COL4A4: variants seen among roughly 807,000 people sequenced by gnomAD.
COL4A4 encodes the protein collagen type IV alpha 4 chain.
COL4A4 carries 105 observed loss-of-function variants against 192.9 expected under a neutral mutation model. The observed-to-expected ratio is 0.54, with a 90% CI of 0.46 to 0.64. The LOEUF is 0.64. Among genes scored for constraint, COL4A4 ranks in the 30% least tolerant of loss-of-function variants. The pLI, the probability that COL4A4 is intolerant of heterozygous loss-of-function variation, is 0.00. For synonymous variants in COL4A4, 762 were observed against 769.9 expected, an observed-to-expected ratio of 0.99 and a Z score of 0.17; for missense variants, 1,967 against 2,169.3, an observed-to-expected ratio of 0.91 and a Z score of 1.85.
At chr2:227,079,192 C>CT (rs66912741) in intron 24 of COL4A4, among the ~76,000 whole-genome samples, 38,173 of 152,122 alleles carry the variant, frequency 0.25, 5,858 homozygotes, top group South Asian at 0.37. Context: ...TTTGAGTGAC[C>CT]TTTTATCCTT....
At chr2:227,013,651 A>G (rs1303052157) in intron 44 of COL4A4, among the ~76,000 whole-genome samples, 2 of 152,194 alleles carry the variant, frequency 1.3e-5, no homozygotes, top group Non-Finnish European at 2.9e-5. Flanking sequence ...CTGCATCCCG[A>G]ACTGTGAAAA....
intron 4 of COL4A4, among the ~76,000 whole-genome samples, chr2:227,138,849 C>T (rs2063002755): frequency 6.6e-6 from 1 of 152,052 alleles, no homozygotes; most frequent in Admixed American, 6.6e-5. Flanking sequence ...ATATGTTGTC[C>T]CTTCTCTTGT....
chr2:226,980,808 A>G, the COL4A4 span, among the ~76,000 whole-genome samples: 1 of 151,846 alleles, frequency 6.6e-6, no homozygotes, highest in African/African-American at 2.4e-5. Context: ...TTGATGTTTA[A>G]AAAATTTAGT....
At position 227,027,126 on chromosome 2, in the gene COL4A4, C is replaced by T. The variant is rs566441001; in HGVS notation, c.4081+776G>A. On this transcript the variant is annotated intron_variant, in intron 42 of 47. Transcript: ENST00000396625. ...AAAATTAGCTAGGCGCAGTGGCACA[C>T]GCCTATAATCCTAGATACTTGAGTT... Among the ~76,000 whole-genome samples the T allele has an allele frequency of 3.3e-5, 5 of 151,966 alleles. No homozygotes were observed. In the East Asian group the frequency reaches 5.8e-4, roughly 18 times the overall value.
chr2:227,096,224 C>G (rs1461724140), intron 19 of COL4A4, among the ~76,000 whole-genome samples: 2 of 152,102 alleles, frequency 1.3e-5, no homozygotes, highest in Non-Finnish European at 2.9e-5. Context: ...TGTAAGGAAG[C>G]CTTAGTACAG....
the COL4A4 span, among the ~76,000 whole-genome samples, chr2:226,981,331 A>G: frequency 4.6e-5 from 7 of 152,072 alleles, no homozygotes; most frequent in African/African-American, 9.7e-5. Flanking sequence ...GAGACCACAC[A>G]TTGTGCACAT....
Position 227,091,680 on chromosome 2 carries a change from G to A in COL4A4, c.1370-1723C>T, listed in dbSNP as rs146467099. 5.3e-3 allele frequency among the ~76,000 whole-genome samples: 800 copies of A among 152,120 alleles called. 8 individuals are homozygous for A. The highest frequency in any genetic ancestry group is 8.5e-3 in the Non-Finnish European group (575 of 67,988). ...AGGCCAAAGGGGGCAGATCACCTGGGGTCAGGAGTTTGAGACCAGCCTGGC... is the reference window on the plus strand; with the variant it reads ...AGGCCAAAGGGGGCAGATCACCTGGAGTCAGGAGTTTGAGACCAGCCTGGC... On this transcript the variant is annotated intron_variant, in intron 20 of 47. Transcript: ENST00000396625.
chr2:227,017,021 C>T (rs1205387910), intron 44 of COL4A4, among the ~76,000 whole-genome samples: 2 of 152,202 alleles, frequency 1.3e-5, no homozygotes, highest in African/African-American at 4.8e-5. Context: ...TTGGAAGGAA[C>T]ATGGGGCCCC....
intron 9 of COL4A4, among the ~76,000 whole-genome samples, chr2:227,111,042 A>T (rs913902008): frequency 3.3e-5 from 5 of 152,232 alleles, no homozygotes; most frequent in Admixed American, 3.3e-4. Context: ...TAATATAATC[A>T]TTGAATTGCT....
the COL4A4 span, chr2:226,996,537 T>C: frequency 2.0e-5 from 3 of 152,294 alleles, no homozygotes; most frequent in South Asian, 6.2e-4. Flanking sequence ...AGAAGATCAC[T>C]GATGTCTTAC....
intron 22 of COL4A4, among the ~76,000 whole-genome samples, chr2:227,083,493 C>T (rs1485551872): frequency 2.0e-5 from 3 of 152,158 alleles, no homozygotes; most frequent in African/African-American, 7.2e-5. Context: ...ATCCCCCAGG[C>T]TGCAGTGCAG....
rs547684392 is a variant in COL4A4 at position 227,055,554 on chromosome 2, C to A, written c.2716+391G>T. Reference sequence around the variant, plus strand: ...AAATAAAAATTCCATGCTCTGCCGCCCCATCCTCAGTTTCCTACCTACAGA... The same window carrying A: ...AAATAAAAATTCCATGCTCTGCCGCACCATCCTCAGTTTCCTACCTACAGA... On this transcript the variant is annotated intron_variant, in intron 30 of 47. Coordinates refer to ENST00000396625, the MANE Select transcript of COL4A4 (RefSeq NM_000092.5). Among the ~76,000 whole-genome samples the A allele has an allele frequency of 1.4e-4, 21 of 152,032 alleles. No homozygotes were observed. The South Asian group carries it at 4.2e-3, about 30-fold the overall frequency.
rs750094664 is a variant in COL4A4 at position 227,118,748 on chromosome 2, G to A, written c.386C>T (p.Pro129Leu). 1 of 1,613,280 alleles carries A rather than the reference G, an allele frequency of 6.2e-7. No homozygotes were observed. Among genetic ancestry groups the A allele is most frequent in the Middle Eastern group, 1.7e-4 (1 of 6,058 alleles). The change falls in exon 7 of 48, where the codon CCT (proline) becomes CTT (leucine). Residue 129 changes from proline (P) to leucine (L), a missense_variant. By Grantham distance (98) the Pro-to-Leu change is moderately conservative (BLOSUM62 -3). Coordinates refer to ENST00000396625, the MANE Select transcript of COL4A4 (RefSeq NM_000092.5). ...ACCAGGTTTGCCTCTGGGTCCAGGA[G>A]GCCCTGGGTGCCCCTGCAGAAAACA... ...GLDGIPGHPG[P>L]PGPRGKPGMS...
In COL4A4 at chr2:227,045,851, CAT is replaced by C. The variant is rs1158732591; in HGVS notation, c.3289+1622_3289+1623del. 2.8e-4 allele frequency among the ~76,000 whole-genome samples: 11 copies of C among 38,984 alleles called. 2 individuals carry two copies. The highest frequency in any genetic ancestry group is 2.2e-3 in the South Asian group (2 of 930). 25.6% of individuals were successfully genotyped at this position (38,984 alleles called of 152,430 possible). ...ATATATACACACATATATATATACA[CAT>C]ATATATATACACATATATATACATA... On this transcript the variant is annotated intron_variant, in intron 35 of 47. Transcript: ENST00000396625.
downstream of COL4A4, chr2:226,999,255 GTGCC>G (rs1026396785): frequency 1.3e-5 from 2 of 152,114 alleles, no homozygotes; most frequent in African/African-American, 4.8e-5. Context: ...ATAAACACTA[GTGCC>G]TGGTGCTTAT....
chr2:227,099,361 C>G (rs967767082), intron 18 of COL4A4, among the ~76,000 whole-genome samples: 1 of 152,160 alleles, frequency 6.6e-6, no homozygotes, highest in African/African-American at 2.4e-5. Flanking sequence ...GCCACTGAAC[C>G]CAGCCAGTAA....
chr2:227,093,399 G>A (rs1462877708), intron 20 of COL4A4, among the ~76,000 whole-genome samples: 1 of 152,032 alleles, frequency 6.6e-6, no homozygotes, highest in Non-Finnish European at 1.5e-5. Flanking sequence ...CACAAGATTT[G>A]CAATCTCCCC....
chr2:227,076,132 A>T (rs2059012777), intron 25 of COL4A4, among the ~76,000 whole-genome samples: 1 of 152,206 alleles, frequency 6.6e-6, no homozygotes, highest in African/African-American at 2.4e-5. Flanking sequence ...ATTAGAAAAA[A>T]AAATTACTTT....
At chr2:227,039,690 A>G (rs1254452139) in intron 37 of COL4A4, among the ~76,000 whole-genome samples, 1 of 152,158 alleles carries the variant, frequency 6.6e-6, no homozygotes, top group Non-Finnish European at 1.5e-5. Flanking sequence ...GTGGTTAATG[A>G]TGACAAATGT....
Sources: allele counts gnomAD v4.1 joint callset (sites outside exome capture counted in the v4.1 genomes callset), GRCh38; gene constraint gnomAD v4.1.1; transcripts MANE v1.5; gene names NCBI Gene and HGNC (gene_info 2026-07-23, HGNC 2026-07-21).